The following TMEM74 variants were observed in gnomAD, a reference collection of about 807,000 sequenced individuals.
TMEM74 encodes the protein transmembrane protein 74.
A neutral mutation model predicts 18.1 loss-of-function variants in TMEM74; 13 were observed. The ratio of observed to expected loss-of-function variants is 0.72; its 90% CI spans 0.47 to 1.14. The LOEUF is 1.14. TMEM74 is among the 50% of genes most tolerant of loss of function. The pLI, the probability that TMEM74 is intolerant of heterozygous loss-of-function variation, is 0.00. For synonymous variants in TMEM74, 159 were observed against 146.6 expected, an observed-to-expected ratio of 1.08 and a Z score of -0.61; for missense variants, 372 against 375.9, an observed-to-expected ratio of 0.99 and a Z score of 0.09.
chr8:108,611,107 AT>A (rs1812329790), intron 2 of TMEM74, among the ~76,000 whole-genome samples: 1 of 152,176 alleles, frequency 6.6e-6, no homozygotes. Flanking sequence ...AGCAGTCAAT[AT>A]TTGCCTCAAT....
intron 2 of TMEM74, among the ~76,000 whole-genome samples, chr8:108,615,819 C>CTTTGTTT (rs1812376953): frequency 1.3e-5 from 1 of 76,420 alleles, no homozygotes; most frequent in African/African-American, 5.4e-5. Context: ...TGCATGGGAG[C>CTTTGTTT]TTTTTTTTTT....
Position 108,784,062 on chromosome 8 carries a change from T to C in TMEM74, c.*119A>G, listed in dbSNP as rs935818786. On this transcript the variant is annotated 3_prime_UTR_variant, in exon 2 of 2. Coordinates refer to ENST00000297459, the MANE Select transcript of TMEM74 (RefSeq NM_153015.3). ...GAGAACAAAAACACTTACTGGCTGTTGGTTTGTGAAATAAACTTTTCTTGC... is the reference window on the plus strand; with the variant it reads ...GAGAACAAAAACACTTACTGGCTGTCGGTTTGTGAAATAAACTTTTCTTGC... 4.1e-5 allele frequency: 35 copies of C among 855,294 alleles called. No homozygotes were observed. Among genetic ancestry groups the C allele is most frequent in the African/African-American group, 1.7e-5 (1 of 58,286 alleles). The allele number at this position is 855,294 out of a possible 1,614,324, so 53.0% of individuals were successfully genotyped here. A position where few individuals can be genotyped will look rare whatever the true frequency, so the allele number is the denominator to read the frequency against.
At chr8:108,637,766 T>C (rs1488625367) in intron 2 of TMEM74, among the ~76,000 whole-genome samples, 3 of 152,170 alleles carry the variant, frequency 2.0e-5, no homozygotes, top group Non-Finnish European at 4.4e-5. Flanking sequence ...AAGAATGAAT[T>C]TGTGTTGTCT....
At position 108,768,797 on chromosome 8, in the gene TMEM74, C is replaced by G. The variant is rs1266238440; in HGVS notation, n.119+18679G>C. On this transcript the variant is annotated intron_variant and non_coding_transcript_variant, in intron 1 of 3. Transcript: ENST00000518838. ...AAGGATCATGGAATTCTAGAACAAC[C>G]ATCTCCCTCAACTGCTGTCACCTTT... 2.6e-5 allele frequency among the ~76,000 whole-genome samples: 4 copies of G among 152,306 alleles called. No homozygotes were observed. The East Asian group carries it at 7.7e-4, about 29-fold the overall frequency.
rs139708864 is a variant in TMEM74 at position 108,658,330 on chromosome 8, G to A, written n.120-2893C>T. On this transcript the variant is annotated intron_variant and non_coding_transcript_variant, in intron 1 of 3. Coordinates refer to the TMEM74 transcript ENST00000518838. ...GTACCTAAAATAATCAGGAACATTG[G>A]CATATACACAGGATTTTTGGCCTTA... is the stretch of plus-strand genomic sequence containing the variant. Among the ~76,000 whole-genome samples, 246 of 151,966 alleles carry A rather than the reference G, an allele frequency of 1.6e-3. 3 individuals are homozygous for A. Among genetic ancestry groups the A allele is most frequent in the South Asian group, 6.9e-3 (33 of 4,784 alleles).
chr8:108,713,007 C>A (rs1001336291), intron 1 of TMEM74, among the ~76,000 whole-genome samples: 6 of 152,038 alleles, frequency 3.9e-5, no homozygotes, highest in African/African-American at 1.4e-4. Flanking sequence ...GGATTCTGCA[C>A]ACAGAAAAAA....
At position 108,642,108 on chromosome 8, in the gene TMEM74, A is replaced by G. The variant is rs201532253; in HGVS notation, n.264+13185T>C. ...TACAAAAACAGATTTAGGAAAATAT[A>G]TGTGTTCAGGCCAGGCGCCGTGGCT... On this transcript the variant is annotated intron_variant and non_coding_transcript_variant, in intron 2 of 3. Transcript: ENST00000518838. Among the ~76,000 whole-genome samples, 23 of 146,444 alleles carry G rather than the reference A, an allele frequency of 1.6e-4. No homozygotes were observed. In the South Asian group the frequency reaches 3.6e-3, roughly 23 times the overall value.
At chr8:108,768,578 A>C (rs1814135776) in intron 1 of TMEM74, among the ~76,000 whole-genome samples, 2 of 152,150 alleles carry the variant, frequency 1.3e-5, no homozygotes, top group Non-Finnish European at 2.9e-5. Flanking sequence ...TCCTCCTGTA[A>C]CCCAAGTGTT....
chr8:108,741,355 A>T lies in TMEM74; in HGVS notation n.119+46121T>A, dbSNP rs1288343689. Among the ~76,000 whole-genome samples the T allele has an allele frequency of 2.0e-5, 3 of 152,232 alleles. No individual in the cohort carries two copies. In the East Asian group the frequency reaches 5.8e-4, roughly 29 times the overall value. Reference sequence around the variant, plus strand: ...TGCTTTAAATTCACACACATGTCACAATTCTTTTGTATGTATAAAGCATTA... The same window carrying T: ...TGCTTTAAATTCACACACATGTCACTATTCTTTTGTATGTATAAAGCATTA... On this transcript the variant is annotated intron_variant and non_coding_transcript_variant, in intron 1 of 3. Coordinates refer to the TMEM74 transcript ENST00000518838.
chr8:108,612,471 A>G (rs541651990), intron 2 of TMEM74, among the ~76,000 whole-genome samples: 1 of 152,330 alleles, frequency 6.6e-6, no homozygotes, highest in East Asian at 1.9e-4. Context: ...TTGCTTGCCA[A>G]TTGCATGTAG....
At chr8:108,717,617 C>A (rs926217133) in intron 1 of TMEM74, among the ~76,000 whole-genome samples, 2 of 151,960 alleles carry the variant, frequency 1.3e-5, no homozygotes, top group East Asian at 3.9e-4. Context: ...GAGTGAGTTG[C>A]AATTTTAAAC....
chr8:108,628,894 A>G (rs35128277), intron 2 of TMEM74, among the ~76,000 whole-genome samples: 2,532 of 151,228 alleles, frequency 0.017, 41 homozygotes, highest in Non-Finnish European at 0.027. Context: ...TGATGGTGAG[A>G]TTTTTTTTTC....
intron 1 of TMEM74, among the ~76,000 whole-genome samples, chr8:108,699,226 T>C (rs1813313392): frequency 7.2e-6 from 1 of 139,696 alleles, no homozygotes; most frequent in Non-Finnish European, 1.5e-5. Flanking sequence ...CCTCCCTCCT[T>C]CTCTCCCTCC....
At chr8:108,659,948 C>T (rs547783731) in intron 1 of TMEM74, among the ~76,000 whole-genome samples, 2 of 152,262 alleles carry the variant, frequency 1.3e-5, no homozygotes, top group South Asian at 2.1e-4. Context: ...TTTGATGAGC[C>T]GTATGCTACC....
intron 1 of TMEM74, among the ~76,000 whole-genome samples, chr8:108,709,456 T>A (rs1450491585): frequency 6.6e-6 from 1 of 152,136 alleles, no homozygotes; most frequent in Non-Finnish European, 1.5e-5. Context: ...TGATTCTACT[T>A]ACATGAGGTA....
At chr8:108,622,755 T>C (rs1169832280) in intron 2 of TMEM74, among the ~76,000 whole-genome samples, 2 of 152,136 alleles carry the variant, frequency 1.3e-5, no homozygotes. Flanking sequence ...GGAATCTATC[T>C]GAATAAAAAC....
chr8:108,646,286 A>G (rs963515637), intron 2 of TMEM74, among the ~76,000 whole-genome samples: 52 of 152,118 alleles, frequency 3.4e-4, no homozygotes, highest in African/African-American at 1.2e-3. Flanking sequence ...TAGGTTTAGG[A>G]ATCACCTGCT....
At chr8:108,621,636 G>A (rs926756032) in intron 2 of TMEM74, among the ~76,000 whole-genome samples, 19 of 152,162 alleles carry the variant, frequency 1.2e-4, no homozygotes, top group Non-Finnish European at 7.4e-5. Flanking sequence ...CCATGTGGAC[G>A]TGTGGGTGAT....
chr8:108,787,038 A>C (rs1814394137), intron 1 of TMEM74, among the ~76,000 whole-genome samples: 1 of 151,762 alleles, frequency 6.6e-6, no homozygotes, highest in Non-Finnish European at 1.5e-5. Context: ...CCAGCTAAAG[A>C]CTCTTTTCTT....
Sources: allele counts gnomAD v4.1 joint callset (sites outside exome capture counted in the v4.1 genomes callset), GRCh38; gene constraint gnomAD v4.1.1; transcripts MANE v1.5; gene names NCBI Gene and HGNC (gene_info 2026-07-23, HGNC 2026-07-21).